The following CA10 variants were observed in gnomAD, a reference collection of about 807,000 sequenced individuals.
CA10 encodes carbonic anhydrase 10 (inactive), also known as carbonic anhydrase-related protein 10.
In CA10, 14 loss-of-function variants were observed where a neutral mutation model predicts 44.2. The ratio of observed to expected loss-of-function variants is 0.32; its 90% CI spans 0.21 to 0.50. The LOEUF (loss-of-function observed/expected upper bound fraction) is 0.50, where lower values mean the gene tolerates loss of function less well. Ranked by LOEUF, CA10 falls within the 20% of genes least tolerant of loss-of-function variation. CA10 has a pLI of 0.99. For missense variants in CA10, 350 were observed against 409.7 expected (o/e 0.85, Z 1.26); for synonymous variants, 159 against 141.6 (o/e 1.12, Z -0.87).
At chr17:52,083,953 A>C (rs115950598) in intron 1 of CA10, among the ~76,000 whole-genome samples, 1 of 152,180 alleles carries the variant, frequency 6.6e-6, no homozygotes, top group Non-Finnish European at 1.5e-5. Context: ...ATTGAATGGT[A>C]GTCTATTTTT....
intron 2 of CA10, among the ~76,000 whole-genome samples, chr17:51,970,990 G>A (rs1367062499): frequency 6.6e-6 from 1 of 151,906 alleles, no homozygotes; most frequent in Non-Finnish European, 1.5e-5. Context: ...TCCATATTTG[G>A]GTAGGTACTA....
intron 3 of CA10, among the ~76,000 whole-genome samples, chr17:51,790,769 T>G (rs2143697087): frequency 6.6e-6 from 1 of 152,366 alleles, no homozygotes. Flanking sequence ...TTCTACCATC[T>G]GTGCATCTCA....
chr17:51,828,933 C>T (rs905165550), intron 3 of CA10, among the ~76,000 whole-genome samples: 1 of 152,124 alleles, frequency 6.6e-6, no homozygotes, highest in Non-Finnish European at 1.5e-5. Flanking sequence ...CCAGGGCTCA[C>T]TAAATGTTAG....
intron 1 of CA10, among the ~76,000 whole-genome samples, chr17:52,146,878 C>G (rs1989600337): frequency 6.6e-6 from 1 of 152,022 alleles, no homozygotes; most frequent in Non-Finnish European, 1.5e-5. Context: ...AGCACAGCCC[C>G]CATCAACCTT....
rs187784632 is a variant in CA10 at position 51,989,158 on chromosome 17, T to C, written c.137-58026A>G. Among the ~76,000 whole-genome samples, 188 of 151,984 alleles carry C rather than the reference T, an allele frequency of 1.2e-3. 3 individuals carry two copies. Among genetic ancestry groups the C allele is most frequent in the African/African-American group, 4.2e-3 (174 of 41,508 alleles). On this transcript the variant is annotated intron_variant, in intron 2 of 8. Coordinates refer to ENST00000451037, the MANE Select transcript of CA10 (RefSeq NM_020178.5). ...CTATATCAGAATCTCTGTTTCTTTT[T>C]TTTTTTTTTTTAACTTTTAAGTTCA...
intron 2 of CA10, among the ~76,000 whole-genome samples, chr17:51,938,291 C>T (rs1982943160): frequency 6.6e-6 from 1 of 152,038 alleles, no homozygotes; most frequent in African/African-American, 2.4e-5. Context: ...GGAGGGGGAA[C>T]AGCATGAACC....
intron 6 of CA10, among the ~76,000 whole-genome samples, chr17:51,641,165 TC>T (rs747414367): frequency 5.4e-5 from 8 of 147,572 alleles, no homozygotes; most frequent in African/African-American, 1.0e-4. Flanking sequence ...TCTCTCTCTC[TC>T]CTCTCTCTCT....
At chr17:51,810,387 G>C (rs79579455) in intron 3 of CA10, among the ~76,000 whole-genome samples, 245 of 152,252 alleles carry the variant, frequency 1.6e-3, no homozygotes, top group African/African-American at 5.8e-3. Flanking sequence ...GACAGGAATG[G>C]GGCATGGATG....
chr17:51,852,790 T>C (rs573943445), intron 3 of CA10, among the ~76,000 whole-genome samples: 2 of 152,326 alleles, frequency 1.3e-5, no homozygotes, highest in Admixed American at 1.3e-4. Context: ...AAGTAACATT[T>C]GGCACCTGAG....
At chr17:51,900,142 G>A (rs114253252) in intron 3 of CA10, among the ~76,000 whole-genome samples, 214 of 152,160 alleles carry the variant, frequency 1.4e-3, no homozygotes, top group African/African-American at 5.0e-3. Context: ...CTACACATTT[G>A]TGTGTTCCTG....
intron 1 of CA10, among the ~76,000 whole-genome samples, chr17:52,117,527 C>T (rs901251257): frequency 3.9e-5 from 6 of 152,108 alleles, no homozygotes; most frequent in Non-Finnish European, 1.5e-5. Flanking sequence ...ACTGGATCTT[C>T]TTCTGTCTGT....
At chr17:51,839,014 G>A (rs1978297802) in intron 3 of CA10, among the ~76,000 whole-genome samples, 1 of 152,152 alleles carries the variant, frequency 6.6e-6, no homozygotes, top group Non-Finnish European at 1.5e-5. Flanking sequence ...TTGTAGTCTT[G>A]ATGTCTAACA....
At chr17:52,042,616 G>A (rs951219164) in intron 2 of CA10, among the ~76,000 whole-genome samples, 1 of 151,464 alleles carries the variant, frequency 6.6e-6, no homozygotes, top group African/African-American at 2.4e-5. Context: ...AGTCCAACTT[G>A]TTTATTTTTG....
At chr17:51,911,619 T>C (rs917976948) in intron 3 of CA10, among the ~76,000 whole-genome samples, 2 of 152,120 alleles carry the variant, frequency 1.3e-5, no homozygotes, top group African/African-American at 4.8e-5. Context: ...TGAGACAGAA[T>C]AGTAATGAGC....
intron 2 of CA10, among the ~76,000 whole-genome samples, chr17:52,051,523 C>A (rs1394616604): frequency 1.3e-5 from 2 of 150,726 alleles, no homozygotes; most frequent in Non-Finnish European, 3.0e-5. Flanking sequence ...ATGCAGCCAA[C>A]AAGTCTACAA....
At chr17:51,812,364 G>A (rs1264420630) in intron 3 of CA10, among the ~76,000 whole-genome samples, 4 of 152,184 alleles carry the variant, frequency 2.6e-5, no homozygotes, top group Non-Finnish European at 5.9e-5. Context: ...ATAAAATGGT[G>A]TCCTACTGTG....
At position 51,630,639 on chromosome 17, in the gene CA10, A is replaced by AAACT. The variant is rs1007943006; in HGVS notation, c.*941_*944dup. The AAACT allele has an allele frequency of 4.3e-4, 66 of 152,772 alleles. No individual in the cohort carries two copies. The highest frequency in any genetic ancestry group is 1.5e-3 in the African/African-American group (64 of 41,588). The allele number at this position is 152,772 out of a possible 1,614,324, so 9.5% of individuals were successfully genotyped here. A position where few individuals can be genotyped will look rare whatever the true frequency, so the allele number is the denominator to read the frequency against. ...TAGCAAATGCATTCCTGATTGCCAC[A>AAACT]AACTCAGTAAAAACTGGCTGCAAAT... On this transcript the variant is annotated 3_prime_UTR_variant, in exon 9 of 9. Coordinates refer to ENST00000451037, the MANE Select transcript of CA10 (RefSeq NM_020178.5).
At chr17:52,018,937 T>G (rs1986052889) in intron 2 of CA10, among the ~76,000 whole-genome samples, 1 of 152,044 alleles carries the variant, frequency 6.6e-6, no homozygotes, top group Admixed American at 6.6e-5. Flanking sequence ...TCTCACTCTA[T>G]GAGTTCACAT....
chr17:52,129,951 A>G (rs1435224282), intron 1 of CA10, among the ~76,000 whole-genome samples: 1 of 152,232 alleles, frequency 6.6e-6, no homozygotes, highest in Non-Finnish European at 1.5e-5. Context: ...AAGAAACTCA[A>G]TAGTAATAAA....
Sources: allele counts gnomAD v4.1 joint callset (sites outside exome capture counted in the v4.1 genomes callset), GRCh38; gene constraint gnomAD v4.1.1; transcripts MANE v1.5; gene names NCBI Gene and HGNC (gene_info 2026-07-23, HGNC 2026-07-21).